Variants in ELMO1 observed in about 807,000 individuals in gnomAD.
ELMO1 encodes the protein engulfment and cell motility 1, also known as engulfment and cell motility protein 1.
Under a neutral mutation model 98.9 loss-of-function variants are expected in ELMO1, and 26 were observed. The observed-to-expected ratio is 0.26, with a 90% CI of 0.19 to 0.36. ELMO1 has a LOEUF of 0.36. Among genes scored for constraint, ELMO1 ranks in the 10% least tolerant of loss-of-function variants. ELMO1 has a pLI of 1.00. For missense variants in ELMO1, 627 were observed against 935.2 expected (o/e 0.67, Z 4.30); for synonymous variants, 346 against 346.0 (o/e 1.00, Z 0.00).
intron 1 of ELMO1, among the ~76,000 whole-genome samples, chr7:37,406,916 G>T (rs186559981): frequency 1.2e-4 from 18 of 152,318 alleles, no homozygotes; most frequent in African/African-American, 4.3e-4. Context: ...AAAGATGAAA[G>T]AATTCATCAG....
At chr7:37,307,465 C>T (rs746756837) in intron 4 of ELMO1, among the ~76,000 whole-genome samples, 8 of 152,120 alleles carry the variant, frequency 5.3e-5, no homozygotes, top group South Asian at 2.1e-4. Context: ...CCCAGCCCTG[C>T]GGAACTGTGA....
intron 14 of ELMO1, among the ~76,000 whole-genome samples, chr7:37,102,911 A>G (rs1202012157): frequency 1.3e-5 from 2 of 152,238 alleles, no homozygotes; most frequent in Non-Finnish European, 2.9e-5. Context: ...ATGGTCACAA[A>G]GGAGTGATCA....
At chr7:37,002,969 T>C (rs1792787181) in intron 16 of ELMO1, among the ~76,000 whole-genome samples, 1 of 152,184 alleles carries the variant, frequency 6.6e-6, no homozygotes, top group Admixed American at 6.5e-5. Context: ...CCAAAAGTGA[T>C]AGCTGCAGGC....
chr7:36,990,542 A>G (rs534610832), intron 16 of ELMO1, among the ~76,000 whole-genome samples: 95 of 152,246 alleles, frequency 6.2e-4, no homozygotes, highest in African/African-American at 2.1e-3. Flanking sequence ...TGGGCATCTG[A>G]ATAAAGGTCA....
intron 4 of ELMO1, among the ~76,000 whole-genome samples, chr7:37,307,129 T>C (rs1177876696): frequency 3.3e-5 from 5 of 152,218 alleles, no homozygotes; most frequent in South Asian, 4.1e-4. Context: ...TAAAGTCCTA[T>C]GCTAGGAGTG....
rs193063408 is a variant in ELMO1 at position 37,396,893 on chromosome 7, T to C, written c.-74+51782A>G. On this transcript the variant is annotated intron_variant, in intron 1 of 21. Coordinates refer to ENST00000310758, the MANE Select transcript of ELMO1 (RefSeq NM_014800.11). ...TGAAATTACTATACATGAAATTCCA[T>C]AGGACATTGGCAAAGGAGTAATAAG... 1.6e-3 allele frequency among the ~76,000 whole-genome samples: 241 copies of C among 152,322 alleles called. 1 individual carries two copies. The highest frequency in any genetic ancestry group is 5.2e-3 in the African/African-American group (218 of 41,576).
At position 36,941,835 on chromosome 7, in the gene ELMO1, C is replaced by T. The variant is rs534637876; in HGVS notation, c.1438-46818G>A. On this transcript the variant is annotated intron_variant, in intron 16 of 21. Transcript: ENST00000310758. ...CTACAAAACATCCTGAGAGGGGGGCCTCATTCCTCTGGTTTCACAGATGAG... is the reference window on the plus strand; with the variant it reads ...CTACAAAACATCCTGAGAGGGGGGCTTCATTCCTCTGGTTTCACAGATGAG... 8.5e-5 allele frequency among the ~76,000 whole-genome samples: 13 copies of T among 152,310 alleles called. No homozygotes were observed. The South Asian group carries it at 2.7e-3, about 32-fold the overall frequency.
At chr7:36,930,052 A>G (rs1562832706) in intron 16 of ELMO1, among the ~76,000 whole-genome samples, 1 of 152,222 alleles carries the variant, frequency 6.6e-6, no homozygotes, top group African/African-American at 2.4e-5. Context: ...GCACTGGTCA[A>G]CGCAAATCAA....
At chr7:37,045,345 G>A (rs1381979069) in intron 15 of ELMO1, among the ~76,000 whole-genome samples, 1 of 152,168 alleles carries the variant, frequency 6.6e-6, no homozygotes, top group South Asian at 2.1e-4. Context: ...TGCTCTCTTT[G>A]TGTTTTTCTT....
chr7:37,100,416 C>T (rs928965922), intron 14 of ELMO1, among the ~76,000 whole-genome samples: 1 of 133,974 alleles, frequency 7.5e-6, no homozygotes, highest in South Asian at 2.4e-4. Context: ...AGATCAGGAA[C>T]ATTTATGGCT....
At chr7:37,138,079 G>T (rs1432464307) in intron 13 of ELMO1, among the ~76,000 whole-genome samples, 1 of 152,146 alleles carries the variant, frequency 6.6e-6, no homozygotes, top group Non-Finnish European at 1.5e-5. Context: ...TATAGCAATG[G>T]TTGTGCTAAG....
intron 1 of ELMO1, among the ~76,000 whole-genome samples, chr7:37,431,888 G>GTTTT (rs1305486050): frequency 1.3e-5 from 2 of 151,798 alleles, no homozygotes; most frequent in Non-Finnish European, 2.9e-5. Flanking sequence ...TTGTTTGTTT[G>GTTTT]TTTGTTTTTT....
chr7:37,205,278 T>C (rs1025331837), intron 13 of ELMO1, among the ~76,000 whole-genome samples: 4 of 152,326 alleles, frequency 2.6e-5, no homozygotes, highest in South Asian at 2.1e-4. Flanking sequence ...TACTGAACCA[T>C]TGCTCCTAGG....
intron 4 of ELMO1, among the ~76,000 whole-genome samples, chr7:37,308,666 C>T (rs567128667): frequency 3.3e-5 from 5 of 152,332 alleles, no homozygotes; most frequent in African/African-American, 1.2e-4. Flanking sequence ...ACCTGGCACA[C>T]ACTGGGGAGT....
At chr7:37,077,582 G>C (rs77654452) in intron 15 of ELMO1, among the ~76,000 whole-genome samples, 25 of 152,324 alleles carry the variant, frequency 1.6e-4, no homozygotes, top group Non-Finnish European at 2.6e-4. Flanking sequence ...ATACAATGGT[G>C]ATCTGAATTA....
At chr7:37,174,553 T>A (rs892940998) in intron 13 of ELMO1, among the ~76,000 whole-genome samples, 3 of 152,182 alleles carry the variant, frequency 2.0e-5, no homozygotes, top group African/African-American at 7.2e-5. Context: ...GCGGGCTATC[T>A]GAGGATGCAT....
intron 13 of ELMO1, among the ~76,000 whole-genome samples, chr7:37,156,507 G>A (rs1299631279): frequency 6.6e-6 from 1 of 152,168 alleles, no homozygotes; most frequent in Non-Finnish European, 1.5e-5. Flanking sequence ...CAATCTCACA[G>A]AAATACAAAC....
intron 15 of ELMO1, among the ~76,000 whole-genome samples, chr7:37,052,392 A>C (rs1796154508): frequency 2.0e-5 from 3 of 152,246 alleles, no homozygotes; most frequent in Admixed American, 1.3e-4. Flanking sequence ...TGTATGTATT[A>C]GAGAAATAAA....
intron 4 of ELMO1, among the ~76,000 whole-genome samples, chr7:37,314,019 A>G (rs754502391): frequency 4.6e-5 from 7 of 152,230 alleles, no homozygotes; most frequent in African/African-American, 9.6e-5. Context: ...CTCAACCTAA[A>G]GTTGTGTCGG....
Sources: allele counts gnomAD v4.1 joint callset (sites outside exome capture counted in the v4.1 genomes callset), GRCh38; gene constraint gnomAD v4.1.1; transcripts MANE v1.5; gene names NCBI Gene and HGNC (gene_info 2026-07-23, HGNC 2026-07-21).